KIF9: variants seen among roughly 807,000 people sequenced by gnomAD.
KIF9 encodes kinesin-like protein KIF9.
Under a neutral mutation model 94.8 loss-of-function variants are expected in KIF9, and 68 were observed. That is an observed-to-expected ratio of 0.72 (90% CI 0.59 to 0.88). The LOEUF is 0.88. Among genes scored for constraint, KIF9 ranks in the 40% least tolerant of loss-of-function variants. KIF9 has a pLI of 0.00. For missense variants in KIF9, 882 were observed against 982.5 expected (o/e 0.90, Z 1.37); for synonymous variants, 343 against 362.1 (o/e 0.95, Z 0.60).
rs200575919 is a variant in KIF9 at position 47,236,631 on chromosome 3, T to C, written c.1925-12A>G. On this transcript the variant is annotated splice_polypyrimidine_tract_variant and intron_variant, in intron 17 of 20. Transcript: ENST00000684063. ...GTTTTCGTACTTGCCTGCAAGGTGA[T>C]GGAAGAAGTCAGGAAATGAGGAGGT... 2 of 1,612,944 alleles carry C rather than the reference T, an allele frequency of 1.2e-6. No homozygotes were observed. Among genetic ancestry groups the C allele is most frequent in the East Asian group, 4.5e-5 (2 of 44,876 alleles).
intron 8 of KIF9, 47 bp from the exon 9 acceptor site, chr3:47,264,397 T>A: frequency 6.6e-7 from 1 of 1,511,726 alleles, no homozygotes; most frequent in Non-Finnish European, 9.2e-7. Context: ...GTGTTTTTTC[T>A]GCTCCAAAGG....
intron 12 of KIF9, chr3:47,246,674 G>A (rs1699945007): frequency 6.6e-6 from 1 of 152,210 alleles, no homozygotes; most frequent in Non-Finnish European, 1.5e-5. Context: ...ACACACACAC[G>A]AGGCTGGAGG....
chr3:47,234,362 TG>T (rs368614236), intron 20 of KIF9, among the ~76,000 whole-genome samples: 1 of 151,170 alleles, frequency 6.6e-6, no homozygotes, highest in African/African-American at 2.4e-5. Flanking sequence ...GCCTCCCGAG[TG>T]GCTGGGACTA....
intron 7 of KIF9, among the ~76,000 whole-genome samples, chr3:47,266,629 G>A (rs1559459180): frequency 1.3e-5 from 2 of 152,070 alleles, no homozygotes; most frequent in African/African-American, 2.4e-5. Context: ...TGGGAGACAC[G>A]GCGAGACTGT....
At chr3:47,235,994 T>C (rs1391284914) in intron 19 of KIF9, 40 bp downstream of exon 19, 22 of 1,454,194 alleles carry the variant, frequency 1.5e-5, no homozygotes, top group Middle Eastern at 3.9e-4. Context: ...CATTGCCCCA[T>C]GTTCAACCAC....
chr3:47,239,324 T>A (rs1352829808), intron 17 of KIF9, among the ~76,000 whole-genome samples: 1 of 152,192 alleles, frequency 6.6e-6, no homozygotes, highest in Non-Finnish European at 1.5e-5. Flanking sequence ...AAATATGTAA[T>A]AAGGGGCTGT....
chr3:47,236,228 G>A, intron 18 of KIF9, 79 bp from the exon 19 acceptor site: 1 of 1,162,614 alleles, frequency 8.6e-7, no homozygotes, highest in Non-Finnish European at 1.3e-6. Flanking sequence ...TCTGTTGCAG[G>A]CTCACCATCT....
intron 2 of KIF9, among the ~76,000 whole-genome samples, chr3:47,276,285 G>T (rs1701959354): frequency 6.6e-6 from 1 of 152,186 alleles, no homozygotes. Context: ...GCCGGGCATG[G>T]TGGCTCACGC....
chr3:47,240,685 C>T, intron 17 of KIF9, 116 bp downstream of exon 17: 1 of 845,618 alleles, frequency 1.2e-6, no homozygotes, highest in Non-Finnish European at 1.9e-6. Flanking sequence ...GGCCACATCC[C>T]AGCACCCCCA....
rs1451965159 is a variant in KIF9 at position 47,241,899 on chromosome 3, T to C, written c.1710-884A>G. Among the ~76,000 whole-genome samples, 13 of 100,674 alleles carry C rather than the reference T, an allele frequency of 1.3e-4. 1 individual carries two copies. Among genetic ancestry groups the C allele is most frequent in the East Asian group, 8.1e-4 (3 of 3,686 alleles). The allele number at this position is 100,674 out of a possible 152,430, so 66.0% of individuals were successfully genotyped here. On this transcript the variant is annotated intron_variant, in intron 16 of 20. Transcript: ENST00000684063. ...ATATATATATATTTTTTTTTTTTTT[T>C]CTTTGGAGACAGCATGCTCTGTTGC...
At position 47,271,514 on chromosome 3, in the gene KIF9, T is replaced by G. The variant is rs1396752829; in HGVS notation, c.367-53A>C. On this transcript the variant is annotated intron_variant, in intron 4 of 20. Coordinates refer to ENST00000684063, the MANE Select transcript of KIF9 (RefSeq NM_182902.4). ...CAAGAGCAGAACCCCAACAGCCAAC[T>G]AGCATAAGGGGGGCTTCCTAACTCA... The G allele has an allele frequency of 7.4e-6, 10 of 1,349,386 alleles. No homozygotes were observed. In the East Asian group the frequency reaches 2.3e-4, roughly 31 times the overall value. The allele number at this position is 1,349,386 out of a possible 1,614,324, so 83.6% of individuals were successfully genotyped here.
At chr3:47,273,726 G>T in intron 3 of KIF9, 68 bp from the exon 4 acceptor site, 1 of 1,392,504 alleles carries the variant, frequency 7.2e-7, no homozygotes, top group Non-Finnish European at 1.0e-6. Flanking sequence ...CCCTCTCCCA[G>T]CATGCCTGGT....
At chr3:47,279,625 T>A (rs1489237754) in intron 1 of KIF9, among the ~76,000 whole-genome samples, 1 of 151,540 alleles carries the variant, frequency 6.6e-6, no homozygotes, top group African/African-American at 2.4e-5. Context: ...TTATTTTATT[T>A]TTTTTTTTTG....
At chr3:47,244,959 A>G (rs755512393) in intron 14 of KIF9, 35 bp from the exon 15 acceptor site, 1 of 1,612,324 alleles carries the variant, frequency 6.2e-7, no homozygotes, top group East Asian at 2.2e-5. Flanking sequence ...TCTGTGAGTT[A>G]GATTAAGGGC....
At chr3:47,277,894 T>C (rs1387772110) in intron 1 of KIF9, among the ~76,000 whole-genome samples, 1 of 152,162 alleles carries the variant, frequency 6.6e-6, no homozygotes, top group Non-Finnish European at 1.5e-5. Context: ...ATAATAAATA[T>C]TCTTTCTTCT....
chr3:47,275,773 T>G (rs1028589417), intron 2 of KIF9, among the ~76,000 whole-genome samples: 1 of 152,198 alleles, frequency 6.6e-6, no homozygotes, highest in Non-Finnish European at 1.5e-5. Context: ...ACCTATGATA[T>G]GAGGTCAAAT....
chr3:47,256,464 G>C (rs1414502406), intron 10 of KIF9, among the ~76,000 whole-genome samples: 1 of 151,966 alleles, frequency 6.6e-6, no homozygotes, highest in Non-Finnish European at 1.5e-5. Flanking sequence ...CCCCGTCCGG[G>C]AGGGAGGTGG....
rs185646443 is a variant in KIF9 at position 47,265,318 on chromosome 3, G to C, written c.916+412C>G. ...TCAGACACTAGTGACTGTGTTGTCA[G>C]GCTCAACACAAAGGCCTAGGGCTAT... On this transcript the variant is annotated intron_variant, in intron 8 of 20. Coordinates refer to ENST00000684063, the MANE Select transcript of KIF9 (RefSeq NM_182902.4). Among the ~76,000 whole-genome samples the C allele has an allele frequency of 7.9e-5, 12 of 152,230 alleles. No homozygotes were observed. In the South Asian group the frequency reaches 2.5e-3, roughly 32 times the overall value.
At chr3:47,273,142 G>T (rs1356186889) in intron 4 of KIF9, among the ~76,000 whole-genome samples, 4 of 152,144 alleles carry the variant, frequency 2.6e-5, no homozygotes, top group Non-Finnish European at 5.9e-5. Flanking sequence ...AGGGGCTGTG[G>T]TGGTGAAAAA....
Sources: allele counts gnomAD v4.1 joint callset (sites outside exome capture counted in the v4.1 genomes callset), GRCh38; gene constraint gnomAD v4.1.1; transcripts MANE v1.5; gene names NCBI Gene and HGNC (gene_info 2026-07-23, HGNC 2026-07-21).